The following PXDN variants were observed in gnomAD, a reference collection of about 807,000 sequenced individuals.
PXDN encodes peroxidasin homolog.
A neutral mutation model predicts 140.3 loss-of-function variants in PXDN; 77 were observed. That is an observed-to-expected ratio of 0.55 (90% CI 0.46 to 0.66). PXDN has a LOEUF of 0.66. PXDN is among the 30% of genes least tolerant of loss of function. PXDN has a pLI of 0.00. For missense variants in PXDN, 1,838 were observed against 2,039.5 expected (o/e 0.90, Z 1.90); for synonymous variants, 911 against 857.4 (o/e 1.06, Z -1.09).
At chr2:1,686,602 A>C (rs1037490838) in intron 4 of PXDN, among the ~76,000 whole-genome samples, 2 of 152,190 alleles carry the variant, frequency 1.3e-5, no homozygotes, top group Non-Finnish European at 2.9e-5. Flanking sequence ...CTCTCCCTAC[A>C]TCTGGGTGTT....
intron 17 of PXDN, chr2:1,646,237 G>C (rs540589636): frequency 6.6e-6 from 1 of 152,370 alleles, no homozygotes; most frequent in East Asian, 1.9e-4. Flanking sequence ...TAAATAAAGA[G>C]ACGAGGGGCT....
At chr2:1,712,350 GTTTCACTTTTT>G (rs2125471391) in intron 1 of PXDN, among the ~76,000 whole-genome samples, 1 of 152,286 alleles carries the variant, frequency 6.6e-6, no homozygotes, top group African/African-American at 2.4e-5. Context: ...TTAAGGTGAT[GTTTCACTTTTT>G]TGTAATGCAT....
chr2:1,744,126 A>C, intron 1 of PXDN, 130 bp downstream of exon 1: 1 of 999,240 alleles, frequency 1.0e-6, no homozygotes, highest in Non-Finnish European at 1.3e-6. Context: ...CTGCGTCCCA[A>C]GTCCCCAGGC....
chr2:1,665,094 C>T lies in PXDN; in HGVS notation c.1292-20G>A, dbSNP rs1169454742. On this transcript the variant is annotated intron_variant, in intron 10 of 22. Coordinates refer to ENST00000252804, the MANE Select transcript of PXDN (RefSeq NM_012293.3). ...GAAGAGCTTCCGGAGAGAAAGCATT[C>T]AAAACAGGACATGTAAAAAACAGCC... The T allele has an allele frequency of 3.3e-6, 5 of 1,536,314 alleles. No individual in the cohort carries two copies. The African/African-American group carries it at 6.8e-5, about 21-fold the overall frequency.
Position 1,649,331 on chromosome 2 carries a change from T to C in PXDN, c.2449A>G (p.Met817Val). Residue 817 changes from methionine to valine, a missense_variant, in exon 17 of 23, where the codon ATG (methionine) becomes GTG (valine). Physicochemically the swap from Met to Val is conservative, Grantham distance 21. This residue lies in a region of PXDN where 12 missense variants were observed against 34.2 expected (regional missense o/e 0.35). Coordinates refer to ENST00000252804, the MANE Select transcript of PXDN (RefSeq NM_012293.3). The surrounding 1 kb of genome is among the most constrained non-coding windows in gnomAD (Gnocchi z 7.1). The part of the protein sequence containing the change: ...TVTPDEQFTH[M>V]LMQWGQFLDH... ...AGGAACTGGCCCCACTGCATCAGCA[T>C]GTGGGTGAACTGCTCGTCGGGTGTG... The C allele has an allele frequency of 1.9e-6, 3 of 1,613,732 alleles. No homozygotes were observed. Among genetic ancestry groups the C allele is most frequent in the South Asian group, 1.1e-5 (1 of 91,070 alleles).
At chr2:1,658,051 T>C (rs1461004836) in intron 14 of PXDN, among the ~76,000 whole-genome samples, 7 of 126,096 alleles carry the variant, frequency 5.6e-5, no homozygotes, top group Admixed American at 1.6e-4. Context: ...TCTCTCTCTC[T>C]CTCTCTCTCT....
At chr2:1,724,908 T>C (rs1049653981) in intron 1 of PXDN, among the ~76,000 whole-genome samples, 2 of 152,212 alleles carry the variant, frequency 1.3e-5, no homozygotes, top group Non-Finnish European at 2.9e-5. Flanking sequence ...AGAATGCTAC[T>C]GGAATTGTAA....
chr2:1,699,374 G>GC (rs1300549452), intron 1 of PXDN, among the ~76,000 whole-genome samples: 1 of 151,098 alleles, frequency 6.6e-6, no homozygotes, highest in Admixed American at 6.6e-5. Context: ...TTTCCCATAC[G>GC]CAAGTCTCAG....
intron 19 of PXDN, among the ~76,000 whole-genome samples, chr2:1,641,056 G>A (rs1410684239): frequency 2.6e-5 from 4 of 152,240 alleles, no homozygotes; most frequent in Non-Finnish European, 5.9e-5. Context: ...TGGCTTCCCA[G>A]ACCTAGTGCA....
chr2:1,703,468 A>G (rs1371193242), intron 1 of PXDN, among the ~76,000 whole-genome samples: 3 of 30,742 alleles, frequency 9.8e-5, no homozygotes, highest in Admixed American at 6.6e-4. Flanking sequence ...AGGAGAGACA[A>G]CTCCAGGTGA....
intron 14 of PXDN, among the ~76,000 whole-genome samples, chr2:1,658,758 C>A (rs879762266): frequency 2.7e-5 from 4 of 145,608 alleles, no homozygotes; most frequent in African/African-American, 7.7e-5. Context: ...CTCCCCACCC[C>A]CCGGCATCGG....
Position 1,648,454 on chromosome 2 carries a change from A to G in PXDN, c.3326T>C (p.Val1109Ala), listed in dbSNP as rs199964493. The change falls in exon 17 of 23, where the codon GTG becomes GCG. Residue 1109 changes from valine (V) to alanine (A), a missense_variant. By Grantham distance (64) the Val-to-Ala change is moderately conservative. Transcript: ENST00000252804. This position sits in a 1 kb window ranked among gnomAD's most constrained non-coding sequence, Gnocchi z 8.9. ...HKAFFSPFRIVNEGGIDPLLR... is the reference protein window; with the variant it reads ...HKAFFSPFRIANEGGIDPLLR... Reference sequence around the variant, plus strand: ...AAGCGGATCGATGCCGCCCTCATTCACAATCCGGAAGGGAGAGAAGAAAGC... The same window carrying G: ...AAGCGGATCGATGCCGCCCTCATTCGCAATCCGGAAGGGAGAGAAGAAAGC... The G allele has an allele frequency of 8.7e-6, 14 of 1,610,648 alleles. No homozygotes were observed. In the Admixed American group the frequency reaches 2.3e-4, roughly 27 times the overall value.
At chr2:1,737,518 TG>T (rs1266098236) in intron 1 of PXDN, among the ~76,000 whole-genome samples, 1 of 149,114 alleles carries the variant, frequency 6.7e-6, no homozygotes, top group African/African-American at 2.5e-5. Flanking sequence ...AGAAATTAGA[TG>T]GGGAAAAACA....
chr2:1,642,940 G>A (rs1682762903), intron 19 of PXDN, among the ~76,000 whole-genome samples: 1 of 152,156 alleles, frequency 6.6e-6, no homozygotes, highest in African/African-American at 2.4e-5. Flanking sequence ...AGTCACTTAT[G>A]TTACAGATAT....
In PXDN at chr2:1,714,740, CT is replaced by C. The variant is rs1213487683; in HGVS notation, c.201-21607del. On this transcript the variant is annotated intron_variant, in intron 1 of 22. Transcript: ENST00000252804. The surrounding 1 kb of genome is among the most constrained non-coding windows in gnomAD (Gnocchi z 4.3). ...AAATGTCCACAGCATGAAATATTTA[CT>C]CTTCTTTTGATTTTTTTCAGACATT... Among the ~76,000 whole-genome samples the C allele has an allele frequency of 3.3e-5, 5 of 152,172 alleles. No individual in the cohort carries two copies. The highest frequency in any genetic ancestry group is 1.2e-4 in the African/African-American group (5 of 41,440).
chr2:1,674,705 A>G (rs1683655422), intron 8 of PXDN, among the ~76,000 whole-genome samples: 1 of 152,176 alleles, frequency 6.6e-6, no homozygotes, highest in East Asian at 1.9e-4. Flanking sequence ...ATCCCAGTCT[A>G]TGGCAAGTGT....
chr2:1,649,145 C>G lies in PXDN; in HGVS notation c.2635G>C (p.Val879Leu), dbSNP rs765506698. The G allele has an allele frequency of 1.2e-6, 2 of 1,612,464 alleles. No individual in the cohort carries two copies. The highest frequency in any genetic ancestry group is 1.7e-6 in the Non-Finnish European group (2 of 1,179,814). The change falls in exon 17 of 23, where the codon GTG becomes CTG. Residue 879 changes from valine to leucine, a missense_variant. Physicochemically the swap from Val to Leu is conservative, Grantham distance 32. Coordinates refer to ENST00000252804, the MANE Select transcript of PXDN (RefSeq NM_012293.3). The surrounding 1 kb of genome is among the most constrained non-coding windows in gnomAD (Gnocchi z 7.1). Reference sequence around the variant, plus strand: ...CTGCCGCACACAGGGCTGGAGCGCACGAAGAACATGCAGCGGGCCCCGCTC... The same window carrying G: ...CTGCCGCACACAGGGCTGGAGCGCAGGAAGAACATGCAGCGGGCCCCGCTC... Reference protein sequence around the residue: ...ARSGARCMFFVRSSPVCGSGM... With the variant: ...ARSGARCMFFLRSSPVCGSGM...
At chr2:1,697,940 C>T (rs968445344) in intron 1 of PXDN, among the ~76,000 whole-genome samples, 3 of 152,170 alleles carry the variant, frequency 2.0e-5, no homozygotes, top group African/African-American at 7.2e-5. Context: ...TCTGGGAAAC[C>T]TATAAGTGGC....
At chr2:1,658,793 C>G (rs1359466918) in intron 14 of PXDN, among the ~76,000 whole-genome samples, 1 of 141,090 alleles carries the variant, frequency 7.1e-6, no homozygotes, top group Non-Finnish European at 1.5e-5. Context: ...CAGGACCCCC[C>G]CACTCTACTC....
Sources: gnomAD v4.1 joint callset for allele counts (sites outside exome capture counted in the v4.1 genomes callset) on GRCh38, gnomAD v4.1.1 for gene constraint, gnomAD v4.1.1 regional missense constraint, Gnocchi (gnomAD v3.1) non-coding constraint, MANE v1.5 for transcripts, NCBI Gene and HGNC (gene_info 2026-07-23, HGNC 2026-07-21) for gene names.